The following ACACB variants were observed in gnomAD, a reference collection of about 807,000 sequenced individuals.
ACACB encodes the protein acetyl-CoA carboxylase beta, also known as acetyl-CoA carboxylase 2.
ACACB carries 209 observed loss-of-function variants against 278.8 expected under a neutral mutation model. The ratio of observed to expected loss-of-function variants is 0.75; its 90% CI spans 0.67 to 0.84. The LOEUF (loss-of-function observed/expected upper bound fraction) is 0.84. ACACB is among the 40% of genes least tolerant of loss of function. ACACB has a pLI of 0.00. For synonymous variants in ACACB, 1,174 were observed against 1,285.6 expected (o/e 0.91, Z 1.86); for missense variants, 2,850 against 3,269.0 (o/e 0.87, Z 3.13).
intron 21 of ACACB, among the ~76,000 whole-genome samples, chr12:109,210,159 GTGTATA>G (rs747845364): frequency 3.1e-4 from 16 of 50,920 alleles, no homozygotes; most frequent in East Asian, 6.4e-4. Context: ...ATACACACGT[GTGTATA>G]TGTATATATG....
chr12:109,207,685 C>G (rs1391249704), intron 20 of ACACB, among the ~76,000 whole-genome samples: 1 of 152,112 alleles, frequency 6.6e-6, no homozygotes, highest in South Asian at 2.1e-4. Flanking sequence ...TGTGTCACCC[C>G]CCTTTGTTTT....
At chr12:109,177,488 C>G (rs1231135126) in intron 9 of ACACB, among the ~76,000 whole-genome samples, 1 of 152,162 alleles carries the variant, frequency 6.6e-6, no homozygotes, top group Non-Finnish European at 1.5e-5. Flanking sequence ...TTATACCACT[C>G]TTGGTATAAT....
At chr12:109,234,969 TA>T (rs2046592418) in intron 31 of ACACB, among the ~76,000 whole-genome samples, 2 of 152,012 alleles carry the variant, frequency 1.3e-5, no homozygotes, top group South Asian at 4.1e-4. Flanking sequence ...ATTTTTAGTA[TA>T]TTCACCAGGT....
At chr12:109,206,421 A>T (rs2045511709) in intron 19 of ACACB, among the ~76,000 whole-genome samples, 2 of 137,424 alleles carry the variant, frequency 1.5e-5, no homozygotes, top group Non-Finnish European at 3.2e-5. Context: ...GGACAATGCG[A>T]GTGTCTCAAA....
At chr12:109,121,832 C>T (rs1256835807) in intron 1 of ACACB, among the ~76,000 whole-genome samples, 1 of 152,198 alleles carries the variant, frequency 6.6e-6, no homozygotes, top group Non-Finnish European at 1.5e-5. Context: ...AAGACAGAGC[C>T]ACTCCTTGCC....
At chr12:109,181,611 A>G (rs7971854) in intron 11 of ACACB, among the ~76,000 whole-genome samples, 2 of 152,154 alleles carry the variant, frequency 1.3e-5, no homozygotes, top group Admixed American at 6.6e-5. Flanking sequence ...TAGTGCTACA[A>G]TAAACATGGG....
intron 11 of ACACB, among the ~76,000 whole-genome samples, chr12:109,184,987 C>T (rs918184130): frequency 6.6e-6 from 1 of 152,218 alleles, no homozygotes; most frequent in African/African-American, 2.4e-5. Flanking sequence ...TCTGGGATTA[C>T]AGGCATGGAC....
intron 26 of ACACB, 131 bp from the exon 27 acceptor site, chr12:109,223,683 GC>G (rs1217131145): frequency 1.2e-6 from 1 of 808,618 alleles, no homozygotes; most frequent in East Asian, 2.5e-5. Context: ...GATCGCTTCA[GC>G]CTGGGAGTTT....
chr12:109,245,001 A>G (rs761261346), intron 37 of ACACB, among the ~76,000 whole-genome samples: 84 of 152,008 alleles, frequency 5.5e-4, no homozygotes, highest in Non-Finnish European at 1.1e-3. Flanking sequence ...GGAATTTGAG[A>G]CTAGCCTGAC....
intron 21 of ACACB, among the ~76,000 whole-genome samples, chr12:109,210,259 G>C (rs202072750): frequency 1.7e-5 from 1 of 59,900 alleles, no homozygotes; most frequent in Non-Finnish European, 3.0e-5. Flanking sequence ...ACACACATGT[G>C]TGTATATGTA....
At chr12:109,213,083 G>A in intron 22 of ACACB, 147 bp downstream of exon 22, 1 of 627,128 alleles carries the variant, frequency 1.6e-6, no homozygotes, top group South Asian at 2.0e-5. Flanking sequence ...ACTAACAGCA[G>A]AACCCTGGGT....
Position 109,265,198 on chromosome 12 carries a change from T to C in ACACB, c.7031T>C (p.Leu2344Pro), listed in dbSNP as rs371799472. The change falls in exon 51 of 53, where the codon CTG becomes CCG. Residue 2344 changes from leucine (L) to proline (P), a missense_variant. By Grantham distance (98) the Leu-to-Pro change is moderately conservative (BLOSUM62 -3). This residue lies in a region of ACACB where 579 missense variants were observed against 684.6 expected (regional missense o/e 0.85). Transcript: ENST00000338432. ...LLEDQVKQEILQASGELSHVH... is the reference protein window; with the variant it reads ...LLEDQVKQEIPQASGELSHVH... ...GAGGACCAGGTCAAGCAGGAGATCC[T>C]GCAGGCCAGCGGGGAGCTGAGTCAC... is the stretch of plus-strand genomic sequence containing the variant. 14 of 1,613,704 alleles carry C rather than the reference T, an allele frequency of 8.7e-6. No individual in the cohort carries two copies. The highest frequency in any genetic ancestry group is 1.2e-5 in the Non-Finnish European group (14 of 1,180,040).
intron 33 of ACACB, 93 bp downstream of exon 33, chr12:109,235,740 G>T: frequency 1.7e-6 from 2 of 1,179,200 alleles, no homozygotes; most frequent in South Asian, 2.7e-5. Flanking sequence ...GCTCAAGCCC[G>T]TAATCCTAGC....
chr12:109,223,535 T>C (rs117296249), intron 26 of ACACB, among the ~76,000 whole-genome samples: 7,225 of 152,082 alleles, frequency 0.048, 224 homozygotes, highest in Non-Finnish European at 0.073. Context: ...GACTGGAGGA[T>C]CACTTAAGCC....
At chr12:109,151,780 C>T (rs950885447) in intron 2 of ACACB, among the ~76,000 whole-genome samples, 1 of 152,188 alleles carries the variant, frequency 6.6e-6, no homozygotes, top group Non-Finnish European at 1.5e-5. Flanking sequence ...CATGAGACAG[C>T]AACTACCACC....
At chr12:109,174,777 G>C (rs1234948524) in intron 7 of ACACB, among the ~76,000 whole-genome samples, 2 of 152,174 alleles carry the variant, frequency 1.3e-5, no homozygotes, top group Non-Finnish European at 2.9e-5. Flanking sequence ...GGCTGAGGCA[G>C]GAGGGTGGCT....
intron 1 of ACACB, among the ~76,000 whole-genome samples, chr12:109,130,845 G>A (rs1258905226): frequency 9.9e-5 from 15 of 152,190 alleles, no homozygotes; most frequent in Non-Finnish European, 1.5e-5. Flanking sequence ...TGCCTGGGCT[G>A]ACCTGTGTGT....
At chr12:109,118,413 T>C (rs2042459212) in intron 1 of ACACB, among the ~76,000 whole-genome samples, 1 of 80,836 alleles carries the variant, frequency 1.2e-5, no homozygotes, top group African/African-American at 5.4e-5. Context: ...GACCTTGTTC[T>C]TTTTTTTTTT....
Position 109,199,015 on chromosome 12 carries a change from A to G in ACACB, c.2628-387A>G, listed in dbSNP as rs528543306. ...ATCCTGGCTAACATGGTGAAACCCC[A>G]TCTTTACTAAAAATACAAAAAAAAA... On this transcript the variant is annotated intron_variant, in intron 17 of 52. Transcript: ENST00000338432. 1.2e-3 allele frequency among the ~76,000 whole-genome samples: 177 copies of G among 151,746 alleles called. 1 individual carries two copies. The highest frequency in any genetic ancestry group is 1.6e-3 in the Non-Finnish European group (109 of 67,902).
Sources: allele counts gnomAD v4.1 joint callset (sites outside exome capture counted in the v4.1 genomes callset), GRCh38; gene constraint gnomAD v4.1.1; regional missense constraint gnomAD v4.1.1; transcripts MANE v1.5; gene names NCBI Gene and HGNC (gene_info 2026-07-23, HGNC 2026-07-21).